PREX2: variants seen among roughly 807,000 people sequenced by gnomAD.
PREX2 encodes phosphatidylinositol 3,4,5-trisphosphate-dependent Rac exchanger 2 protein.
In PREX2, 107 loss-of-function variants were observed where a neutral mutation model predicts 203.2. That is an observed-to-expected ratio of 0.53 (90% CI 0.45 to 0.62). The LOEUF (loss-of-function observed/expected upper bound fraction) is 0.62. Among genes scored for constraint, PREX2 ranks in the 20% least tolerant of loss-of-function variants. The pLI is 0.00. For missense variants in PREX2, 1,777 were observed against 1,955.9 expected (o/e 0.91, Z 1.72); for synonymous variants, 672 against 663.6 (o/e 1.01, Z -0.19).
chr8:67,972,906 A>G (rs1017588392), intron 1 of PREX2, among the ~76,000 whole-genome samples: 1 of 152,104 alleles, frequency 6.6e-6, no homozygotes, highest in Non-Finnish European at 1.5e-5. Flanking sequence ...CTCAAACTCA[A>G]CATGTGCAAA....
chr8:68,081,789 G>A (rs1809535896), intron 17 of PREX2, among the ~76,000 whole-genome samples: 1 of 152,010 alleles, frequency 6.6e-6, no homozygotes, highest in African/African-American at 2.4e-5. Context: ...CTGCCTTCTG[G>A]GTTCAAGTGA....
At chr8:68,088,070 T>C (rs1442322742) in intron 19 of PREX2, among the ~76,000 whole-genome samples, 1 of 152,202 alleles carries the variant, frequency 6.6e-6, no homozygotes, top group Non-Finnish European at 1.5e-5. Context: ...ATCCAAAGAA[T>C]ATAATAAATT....
intron 1 of PREX2, among the ~76,000 whole-genome samples, chr8:67,969,613 G>A (rs2129018766): frequency 6.6e-6 from 1 of 152,264 alleles, no homozygotes; most frequent in South Asian, 2.1e-4. Flanking sequence ...ACTCCCTCAA[G>A]TCCATTTTCC....
chr8:68,005,468 C>T (rs1051713971), intron 1 of PREX2, among the ~76,000 whole-genome samples: 1 of 152,220 alleles, frequency 6.6e-6, no homozygotes, highest in Non-Finnish European at 1.5e-5. Context: ...GAACTCTCCA[C>T]TGCCATCACC....
In PREX2 at chr8:68,229,795, A is replaced by G. The variant is rs551347585; in HGVS notation, c.4776-1538A>G. Among the ~76,000 whole-genome samples the G allele has an allele frequency of 4.6e-5, 7 of 152,316 alleles. No homozygotes were observed. The South Asian group carries it at 1.0e-3, about 23-fold the overall frequency. On this transcript the variant is annotated intron_variant, in intron 39 of 39. Transcript: ENST00000288368. ...TGACTAAGCCCATTGTGCCTTTTCA[A>G]TCATTAGGCAGCACTGTCAGGGAAA... is the stretch of plus-strand genomic sequence containing the variant.
intron 35 of PREX2, among the ~76,000 whole-genome samples, chr8:68,162,858 T>C (rs1365455598): frequency 6.6e-6 from 1 of 152,150 alleles, no homozygotes; most frequent in Non-Finnish European, 1.5e-5. Context: ...TCCAAAGACA[T>C]AAGCTCACAG....
intron 37 of PREX2, among the ~76,000 whole-genome samples, chr8:68,193,755 G>T (rs572521529): frequency 6.6e-6 from 1 of 152,272 alleles, no homozygotes; most frequent in South Asian, 2.1e-4. Context: ...CTTCATGGAG[G>T]AAGTTATGTT....
chr8:68,097,315 C>A (rs1810113170), intron 22 of PREX2, 114 bp downstream of exon 22: 3 of 770,628 alleles, frequency 3.9e-6, no homozygotes, highest in East Asian at 2.9e-5. Flanking sequence ...GCTGTCAGCT[C>A]ATTCAAACTT....
intron 35 of PREX2, 141 bp downstream of exon 35, chr8:68,157,577 A>G (rs1488052294): frequency 6.5e-6 from 3 of 464,280 alleles, no homozygotes; most frequent in Non-Finnish European, 1.2e-5. Flanking sequence ...AGGGTTTAAT[A>G]TTTTAAATAT....
At chr8:67,992,042 T>A (rs7016022) in intron 1 of PREX2, among the ~76,000 whole-genome samples, 1 of 151,888 alleles carries the variant, frequency 6.6e-6, no homozygotes, top group Non-Finnish European at 1.5e-5. Flanking sequence ...GCCCAAGCAA[T>A]GCATTAAGTA....
At chr8:67,977,340 G>C (rs1806138920) in intron 1 of PREX2, among the ~76,000 whole-genome samples, 1 of 152,214 alleles carries the variant, frequency 6.6e-6, no homozygotes. Context: ...AAACCACTCA[G>C]TTGATGGTAA....
At chr8:68,130,289 TAAAAAAC>T (rs1810981471) in intron 31 of PREX2, among the ~76,000 whole-genome samples, 1 of 124,210 alleles carries the variant, frequency 8.1e-6, no homozygotes, top group African/African-American at 3.1e-5. Flanking sequence ...GATGCTCTCT[TAAAAAAC>T]AAAACAAAAC....
chr8:68,194,856 T>G (rs1389346770), intron 37 of PREX2, among the ~76,000 whole-genome samples: 1 of 151,434 alleles, frequency 6.6e-6, no homozygotes, highest in Non-Finnish European at 1.5e-5. Context: ...AGAAAGAGCT[T>G]TGAGACCATA....
At chr8:68,131,810 T>A (rs985190966) in intron 31 of PREX2, among the ~76,000 whole-genome samples, 123 of 152,316 alleles carry the variant, frequency 8.1e-4, no homozygotes, top group African/African-American at 2.6e-3. Context: ...CAGATCCTTC[T>A]TTCTCTAGAT....
chr8:68,122,911 G>A lies in PREX2; in HGVS notation c.3724+1862G>A, dbSNP rs999618752. Among the ~76,000 whole-genome samples, 36 of 152,054 alleles carry A rather than the reference G, an allele frequency of 2.4e-4. 1 individual carries two copies. Among genetic ancestry groups the A allele is most frequent in the African/African-American group, 7.2e-4 (30 of 41,422 alleles). ...ACTTCTTTTGCATTTGCTGAGAAGC[G>A]TTTTATGTCTGATTATGTCATCGAT... is the stretch of plus-strand genomic sequence containing the variant. On this transcript the variant is annotated intron_variant, in intron 30 of 39. Transcript: ENST00000288368.
intron 22 of PREX2, among the ~76,000 whole-genome samples, chr8:68,098,177 A>T (rs1255016527): frequency 6.6e-6 from 1 of 152,166 alleles, no homozygotes; most frequent in Non-Finnish European, 1.5e-5. Flanking sequence ...CAGGTGTTGG[A>T]TTTAGTGTTT....
At position 67,976,740 on chromosome 8, in the gene PREX2, A is replaced by G. The variant is rs556803378; in HGVS notation, c.141+24205A>G. 3.7e-4 allele frequency among the ~76,000 whole-genome samples: 39 copies of G among 105,500 alleles called. 6 individuals are homozygous for G. In the South Asian group the frequency reaches 0.015, roughly 40 times the overall value. 69.2% of individuals were successfully genotyped at this position (105,500 alleles called of 152,430 possible). A position where few individuals can be genotyped will look rare whatever the true frequency, so the allele number is the denominator to read the frequency against. On this transcript the variant is annotated intron_variant, in intron 1 of 39. Transcript: ENST00000288368. Reference sequence around the variant, plus strand: ...GACAGAGAGAGAGACAGAGAGAGAGAGAGAGATGCGAGAGAGACAGAGAGA... The same window carrying G: ...GACAGAGAGAGAGACAGAGAGAGAGGGAGAGATGCGAGAGAGACAGAGAGA...
intron 37 of PREX2, among the ~76,000 whole-genome samples, chr8:68,196,461 GAC>G (rs1482980528): frequency 4.8e-5 from 7 of 146,094 alleles, no homozygotes; most frequent in African/African-American, 1.7e-4. Context: ...ATAAAATGGA[GAC>G]ACTATATATA....
chr8:68,118,417 C>G, intron 26 of PREX2, 133 bp from the exon 27 acceptor site: 1 of 560,578 alleles, frequency 1.8e-6, no homozygotes, highest in East Asian at 3.2e-5. Context: ...CTGAGTTGAA[C>G]AAGTTTATCT....
Sources: gnomAD v4.1 joint callset for allele counts (sites outside exome capture counted in the v4.1 genomes callset) on GRCh38, gnomAD v4.1.1 for gene constraint, MANE v1.5 for transcripts, NCBI Gene and HGNC (gene_info 2026-07-23, HGNC 2026-07-21) for gene names.